SMO: variants seen among roughly 807,000 people sequenced by gnomAD.
SMO encodes protein smoothened.
In SMO, 40 loss-of-function variants were observed where a neutral mutation model predicts 81.6. The ratio of observed to expected loss-of-function variants is 0.49; its 90% CI spans 0.38 to 0.64. The LOEUF (loss-of-function observed/expected upper bound fraction) is 0.64. Ranked by LOEUF, SMO falls within the 30% of genes least tolerant of loss-of-function variation. The pLI is 0.00. For synonymous variants in SMO, 434 were observed against 432.1 expected (o/e 1.00, Z -0.05); for missense variants, 916 against 1,061.1 (o/e 0.86, Z 1.90).
Position 129,212,708 on chromosome 7 carries a change from C to T in SMO, c.*257C>T, listed in dbSNP as rs1584667246. 3 of 544,248 alleles carry T rather than the reference C, an allele frequency of 5.5e-6. No homozygotes were observed. In the East Asian group the frequency reaches 9.1e-5, roughly 16 times the overall value. The allele number at this position is 544,248 out of a possible 1,614,324, so 33.7% of individuals were successfully genotyped here. ...TTGTTTCTGCCCTGCCAGCTGCAGC[C>T]TGGTTGGCAGCATCTGCTCCATCGG... On this transcript the variant is annotated 3_prime_UTR_variant, in exon 12 of 12. Transcript: ENST00000249373. This position sits in a 1 kb window ranked among gnomAD's most constrained non-coding sequence, Gnocchi z 5.0.
intron 1 of SMO, 77 bp from the exon 2 acceptor site, chr7:129,203,307 T>G: frequency 1.8e-6 from 2 of 1,139,512 alleles, no homozygotes; most frequent in Admixed American, 2.1e-5. Context: ...GGCAAAGGCC[T>G]GGAGGACAGG....
chr7:129,208,666 C>A lies in SMO; in HGVS notation c.1265-93C>A. 1 of 752,122 alleles carries A rather than the reference C, an allele frequency of 1.3e-6. No homozygotes were observed. The highest frequency in any genetic ancestry group is 2.4e-6 in the Non-Finnish European group (1 of 424,230). 46.6% of individuals were successfully genotyped at this position (752,122 alleles called of 1,614,324 possible). On this transcript the variant is annotated intron_variant, in intron 6 of 11. Transcript: ENST00000249373. The surrounding 1 kb of genome is among the most constrained non-coding windows in gnomAD (Gnocchi z 5.2). Reference sequence around the variant, plus strand: ...AGCACAGGGGTAATCAGACTTGGGACTCCAGAGCCTTAGGACCCTCCTCCC... The same window carrying A: ...AGCACAGGGGTAATCAGACTTGGGAATCCAGAGCCTTAGGACCCTCCTCCC...
rs144868350 is a variant in SMO at position 129,189,886 on chromosome 7, A to G, written c.331+404A>G. Reference sequence around the variant, plus strand: ...TGGGGAAATTGGAGTTGGAGAGGAAAAGGGGAGGGATGACGGAGGAAGAGG... The same window carrying G: ...TGGGGAAATTGGAGTTGGAGAGGAAGAGGGGAGGGATGACGGAGGAAGAGG... On this transcript the variant is annotated intron_variant, in intron 1 of 11. Coordinates refer to ENST00000249373, the MANE Select transcript of SMO (RefSeq NM_005631.5). The surrounding 1 kb of genome is among the most constrained non-coding windows in gnomAD (Gnocchi z 4.7). Among the ~76,000 whole-genome samples, 155 of 152,222 alleles carry G rather than the reference A, an allele frequency of 1.0e-3. 1 individual carries two copies. The highest frequency in any genetic ancestry group is 8.3e-3 in the East Asian group (43 of 5,178).
rs764954468 is a variant in SMO, at chr7:129,211,875, A to G, written c.1936+105A>G. ...TCGGAGGAGGAGGAAGAGGAAGGAA[A>G]GGCCCCAGAGGATCTGAAGAGTGGG... On this transcript the variant is annotated intron_variant, in intron 11 of 11. Transcript: ENST00000249373. The surrounding 1 kb of genome is among the most constrained non-coding windows in gnomAD (Gnocchi z 4.6). The G allele has an allele frequency of 6.7e-7, 1 of 1,485,494 alleles. No homozygotes were observed. The highest frequency in any genetic ancestry group is 1.2e-5 in the South Asian group (1 of 86,494). 92.0% of individuals were successfully genotyped at this position (1,485,494 alleles called of 1,614,324 possible).
chr7:129,194,777 GTTTA>G (rs570985032), intron 1 of SMO, among the ~76,000 whole-genome samples: 117 of 151,882 alleles, frequency 7.7e-4, no homozygotes, highest in African/African-American at 2.3e-3. Context: ...TTTTTTGCTT[GTTTA>G]TTTGTTTGTT....
Position 129,211,295 on chromosome 7 carries a change from C to T in SMO, c.1801+182C>T. The stretch of plus-strand genomic sequence containing the variant: ...CCCTCCTACCCTCTGGGGGGCTCTC[C>T]CCTCTCTGTTTCTGCCCCTGGGTCT... On this transcript the variant is annotated intron_variant, in intron 10 of 11. Coordinates refer to ENST00000249373, the MANE Select transcript of SMO (RefSeq NM_005631.5). The surrounding 1 kb of genome is among the most constrained non-coding windows in gnomAD (Gnocchi z 4.6). 1 of 767,830 alleles carries T rather than the reference C, an allele frequency of 1.3e-6. No individual in the cohort carries two copies. The highest frequency in any genetic ancestry group is 2.2e-6 in the Non-Finnish European group (1 of 446,184). 47.6% of individuals were successfully genotyped at this position (767,830 alleles called of 1,614,324 possible).
chr7:129,199,748 A>T (rs1793641079), intron 1 of SMO, among the ~76,000 whole-genome samples: 1 of 152,168 alleles, frequency 6.6e-6, no homozygotes, highest in Admixed American at 6.5e-5. Context: ...AAAAATAAAA[A>T]AATAAAAAAA....
rs556599946 is a variant in SMO, at chr7:129,203,329, G to T, written c.332-55G>T. On this transcript the variant is annotated intron_variant, in intron 1 of 11. Transcript: ENST00000249373. Reference sequence around the variant, plus strand: ...GCCTGGAGGACAGGGGTGAAGCTGCGTCTGTGGGTCAGAGTGAGGAGGGGC... The same window carrying T: ...GCCTGGAGGACAGGGGTGAAGCTGCTTCTGTGGGTCAGAGTGAGGAGGGGC... 21 of 1,360,388 alleles carry T rather than the reference G, an allele frequency of 1.5e-5. No individual in the cohort carries two copies. The East Asian group carries it at 5.2e-4, about 34-fold the overall frequency. The allele number at this position is 1,360,388 out of a possible 1,614,324, so 84.3% of individuals were successfully genotyped here.
Position 129,211,862 on chromosome 7 carries a change from G to A in SMO, c.1936+92G>A, listed in dbSNP as rs983834434. The A allele has an allele frequency of 1.3e-6, 2 of 1,532,856 alleles. No homozygotes were observed. Among genetic ancestry groups the A allele is most frequent in the Admixed American group, 1.7e-5 (1 of 58,726 alleles). 95.0% of individuals were successfully genotyped at this position (1,532,856 alleles called of 1,614,324 possible). A position where few individuals can be genotyped will look rare whatever the true frequency, so the allele number is the denominator to read the frequency against. ...AGTACAGGGGCTGTCGGAGGAGGAG[G>A]AAGAGGAAGGAAAGGCCCCAGAGGA... On this transcript the variant is annotated intron_variant, in intron 11 of 11. Transcript: ENST00000249373. The surrounding 1 kb of genome is among the most constrained non-coding windows in gnomAD (Gnocchi z 4.6).
In SMO at chr7:129,211,847, C is replaced by A. The variant is rs2150655979; in HGVS notation, c.1936+77C>A. The A allele has an allele frequency of 1.3e-6, 2 of 1,567,308 alleles. No homozygotes were observed. The highest frequency in any genetic ancestry group is 1.8e-6 in the Non-Finnish European group (2 of 1,139,660). The stretch of plus-strand genomic sequence containing the variant: ...GGCTTCTGGGACTGGAGTACAGGGG[C>A]TGTCGGAGGAGGAGGAAGAGGAAGG... On this transcript the variant is annotated intron_variant, in intron 11 of 11. Coordinates refer to ENST00000249373, the MANE Select transcript of SMO (RefSeq NM_005631.5). This position sits in a 1 kb window ranked among gnomAD's most constrained non-coding sequence, Gnocchi z 4.6.
intron 2 of SMO, among the ~76,000 whole-genome samples, chr7:129,203,846 T>G (rs942882121): frequency 6.6e-6 from 1 of 152,156 alleles, no homozygotes; most frequent in Admixed American, 6.5e-5. Flanking sequence ...TGTTGTGGTG[T>G]TACGGGCATC....
At position 129,205,905 on chromosome 7, in the gene SMO, G is replaced by A. The variant is rs189134635; in HGVS notation, c.920+123G>A. On this transcript the variant is annotated intron_variant, in intron 4 of 11. Coordinates refer to ENST00000249373, the MANE Select transcript of SMO (RefSeq NM_005631.5). Reference sequence around the variant, plus strand: ...GGGCAGGATCTGGCTCTGCCCTACTGCATACTGCATGCAAGATCTCCAGTG... The same window carrying A: ...GGGCAGGATCTGGCTCTGCCCTACTACATACTGCATGCAAGATCTCCAGTG... 9.7e-6 allele frequency: 8 copies of A among 820,874 alleles called. No individual in the cohort carries two copies. The African/African-American group carries it at 1.4e-4, about 14-fold the overall frequency. The allele number at this position is 820,874 out of a possible 1,614,324, so 50.8% of individuals were successfully genotyped here.
rs1024262457 is a variant in SMO, at chr7:129,189,375, A to G, written c.224A>G (p.Tyr75Cys). ...GCTGCCCCCTGCGAGCCGCTGCGCT[A>G]CAACGTGTGCCTGGGCTCGGTGCTG... Reference protein sequence around the residue: ...GRAAPCEPLRYNVCLGSVLPY... With the variant: ...GRAAPCEPLRCNVCLGSVLPY... Residue 75 changes from tyrosine (Y) to cysteine (C), a missense_variant, in exon 1 of 12, where the codon TAC becomes TGC. Coordinates refer to ENST00000249373, the MANE Select transcript of SMO (RefSeq NM_005631.5). This position sits in a 1 kb window ranked among gnomAD's most constrained non-coding sequence, Gnocchi z 4.7. 3 of 1,534,474 alleles carry G rather than the reference A, an allele frequency of 2.0e-6. No homozygotes were observed. The highest frequency in any genetic ancestry group is 2.6e-6 in the Non-Finnish European group (3 of 1,145,860).
chr7:129,203,338 T>C (rs1303299661), intron 1 of SMO, 46 bp from the exon 2 acceptor site: 3 of 1,428,712 alleles, frequency 2.1e-6, no homozygotes, highest in Admixed American at 2.0e-5. Context: ...CGTCTGTGGG[T>C]CAGAGTGAGG....
chr7:129,206,021 C>A lies in SMO; in HGVS notation c.921-129C>A. ...AGCCTCCTCAGATCTGACCTGGGTCCTGTCTCCAAGCCCTGACTTCTGGGA... is the reference window on the plus strand; with the variant it reads ...AGCCTCCTCAGATCTGACCTGGGTCATGTCTCCAAGCCCTGACTTCTGGGA... On this transcript the variant is annotated intron_variant, in intron 4 of 11. Transcript: ENST00000249373. This position sits in a 1 kb window ranked among gnomAD's most constrained non-coding sequence, Gnocchi z 4.4. 1 of 858,632 alleles carries A rather than the reference C, an allele frequency of 1.2e-6. No homozygotes were observed. Among genetic ancestry groups the A allele is most frequent in the Non-Finnish European group, 1.9e-6 (1 of 539,612 alleles). 53.2% of individuals were successfully genotyped at this position (858,632 alleles called of 1,614,324 possible). A position where few individuals can be genotyped will look rare whatever the true frequency, so the allele number is the denominator to read the frequency against.
rs2150649832 is a variant in SMO at position 129,206,163 on chromosome 7, C to G, written c.934C>G (p.Leu312Val). 1 of 1,604,908 alleles carries G rather than the reference C, an allele frequency of 6.2e-7. No homozygotes were observed. The highest frequency in any genetic ancestry group is 1.1e-5 in the South Asian group (1 of 89,056). ...CTCTCTGCACAGCTCCAATGAGACT[C>G]TGTCCTGCGTCATCATCTTTGTCAT... is the stretch of plus-strand genomic sequence containing the variant. ...RLGEPTSNET[L>V]SCVIIFVIVY... is the part of the protein sequence containing the mutation. The change falls in exon 5 of 12, where the codon CTG becomes GTG. Residue 312 changes from leucine to valine, a missense_variant. Physicochemically the swap from Leu to Val is conservative, Grantham distance 32 (BLOSUM62 1). Around this residue, in one of 4 missense-constraint regions of SMO, gnomAD observed 436 missense variants for 570.9 expected, o/e 0.76. Coordinates refer to ENST00000249373, the MANE Select transcript of SMO (RefSeq NM_005631.5). The surrounding 1 kb of genome is among the most constrained non-coding windows in gnomAD (Gnocchi z 4.4).
At chr7:129,192,103 G>A (rs1793489557) in intron 1 of SMO, among the ~76,000 whole-genome samples, 1 of 152,084 alleles carries the variant, frequency 6.6e-6, no homozygotes, top group Non-Finnish European at 1.5e-5. Context: ...GAAAGGTACT[G>A]TGGCATTTTA....
chr7:129,192,251 T>C (rs762435999), intron 1 of SMO, among the ~76,000 whole-genome samples: 3 of 152,106 alleles, frequency 2.0e-5, no homozygotes, highest in Admixed American at 1.3e-4. Flanking sequence ...AAATAGCATG[T>C]ACAAAGGTGT....
chr7:129,209,456 C>T (rs1445478355), intron 8 of SMO, 59 bp downstream of exon 8: 3 of 1,020,758 alleles, frequency 2.9e-6, no homozygotes. Context: ...CATAAAGACA[C>T]CCACCTCCAC....
Sources: gnomAD v4.1 joint callset for allele counts (sites outside exome capture counted in the v4.1 genomes callset) on GRCh38, gnomAD v4.1.1 for gene constraint, gnomAD v4.1.1 regional missense constraint, Gnocchi (gnomAD v3.1) non-coding constraint, MANE v1.5 for transcripts, NCBI Gene and HGNC (gene_info 2026-07-23, HGNC 2026-07-21) for gene names.